Variants in PPP3CC observed in about 807,000 individuals in gnomAD.
PPP3CC encodes protein phosphatase 3 catalytic subunit gamma.
PPP3CC carries 35 observed loss-of-function variants against 60.3 expected under a neutral mutation model. The ratio of observed to expected loss-of-function variants is 0.58; its 90% confidence interval spans 0.44 to 0.77. PPP3CC has a LOEUF of 0.77. Among genes scored for constraint, PPP3CC ranks in the 30% least tolerant of loss-of-function variants. PPP3CC has a pLI of 0.00. For missense variants in PPP3CC, 570 were observed against 628.9 expected, an observed-to-expected ratio of 0.91 and a Z score of 1.00; for synonymous variants, 206 against 224.3, an observed-to-expected ratio of 0.92 and a Z score of 0.73.
intron 1 of PPP3CC, among the ~76,000 whole-genome samples, chr8:22,445,313 C>G (rs557087842): frequency 2.0e-5 from 3 of 152,128 alleles, no homozygotes; most frequent in Non-Finnish European, 4.4e-5. Flanking sequence ...TCATTTCTTT[C>G]CACAACTCTC....
chr8:22,498,201 A>G lies in PPP3CC; in HGVS notation c.484+89A>G, dbSNP rs1412792683. 44 of 725,934 alleles carry G rather than the reference A, an allele frequency of 6.1e-5. 1 individual carries two copies. The Admixed American group carries it at 1.3e-3, about 22-fold the overall frequency. 45.0% of individuals were successfully genotyped at this position (725,934 alleles called of 1,614,324 possible). A position where few individuals can be genotyped will look rare whatever the true frequency, so the allele number is the denominator to read the frequency against. On this transcript the variant is annotated intron_variant, in intron 4 of 13. Transcript: ENST00000240139. ...ACAGAAAGAAAAAAGAAACTAATAG[A>G]ATTTAAATGCTTCCTGTCCTGTTGT...
chr8:22,497,945 T>G, intron 3 of PPP3CC, 56 bp from the exon 4 acceptor site: 1 of 1,096,304 alleles, frequency 9.1e-7, no homozygotes, highest in Non-Finnish European at 1.3e-6. Flanking sequence ...ATATAAATTG[T>G]GTTTATGCAT....
chr8:22,443,279 T>C (rs1347720085), intron 1 of PPP3CC, among the ~76,000 whole-genome samples: 1 of 152,110 alleles, frequency 6.6e-6, no homozygotes, highest in Non-Finnish European at 1.5e-5. Flanking sequence ...CCCCAGCACT[T>C]TGGAAGGCCC....
At chr8:22,512,454 G>C (rs1254263760) in intron 5 of PPP3CC, among the ~76,000 whole-genome samples, 1 of 151,956 alleles carries the variant, frequency 6.6e-6, no homozygotes, top group Non-Finnish European at 1.5e-5. Flanking sequence ...GTGACTAAAG[G>C]CTTAAGTTAA....
intron 6 of PPP3CC, among the ~76,000 whole-genome samples, chr8:22,518,832 A>T (rs1389116560): frequency 6.6e-6 from 1 of 152,084 alleles, no homozygotes; most frequent in African/African-American, 2.4e-5. Flanking sequence ...GATTACAGGC[A>T]TGCACCATCA....
chr8:22,510,729 A>G (rs977147122), intron 4 of PPP3CC, among the ~76,000 whole-genome samples: 2 of 152,196 alleles, frequency 1.3e-5, no homozygotes, highest in African/African-American at 4.8e-5. Context: ...CAAAAATGTC[A>G]ATGTGTGTTG....
At chr8:22,520,421 T>G (rs1206972240) in intron 6 of PPP3CC, among the ~76,000 whole-genome samples, 1 of 152,202 alleles carries the variant, frequency 6.6e-6, no homozygotes, top group African/African-American at 2.4e-5. Flanking sequence ...CCCCTTTTTC[T>G]TCTCCTTAAC....
intron 1 of PPP3CC, among the ~76,000 whole-genome samples, chr8:22,459,717 A>AC (rs1392452615): frequency 3.9e-5 from 6 of 152,016 alleles, no homozygotes; most frequent in South Asian, 2.1e-4. Context: ...AATGTTTGTG[A>AC]CCCCCCAGAA....
intron 1 of PPP3CC, among the ~76,000 whole-genome samples, chr8:22,443,259 A>C (rs2132417898): frequency 6.6e-6 from 1 of 152,274 alleles, no homozygotes; most frequent in Non-Finnish European, 1.5e-5. Flanking sequence ...ATGGTGGCTC[A>C]CGCCTGTAAC....
At chr8:22,494,329 A>G (rs558907266) in intron 3 of PPP3CC, among the ~76,000 whole-genome samples, 1 of 152,190 alleles carries the variant, frequency 6.6e-6, no homozygotes, top group South Asian at 2.1e-4. Flanking sequence ...CCCCTGATAA[A>G]CCCATCAGAT....
intron 8 of PPP3CC, among the ~76,000 whole-genome samples, chr8:22,523,307 G>A (rs1184413153): frequency 1.3e-5 from 2 of 152,000 alleles, no homozygotes; most frequent in Non-Finnish European, 2.9e-5. Flanking sequence ...AAGAAGAATG[G>A]ATATATACAT....
At chr8:22,468,105 C>CT (rs1025497649) in intron 1 of PPP3CC, among the ~76,000 whole-genome samples, 9 of 151,860 alleles carry the variant, frequency 5.9e-5, no homozygotes, top group Non-Finnish European at 1.0e-4. Context: ...TCTAGTCATT[C>CT]TTTTTTTTGT....
At chr8:22,492,584 C>T in intron 3 of PPP3CC, 1 of 469,890 alleles carries the variant, frequency 2.1e-6, no homozygotes. Flanking sequence ...CAACCCTAGC[C>T]CCCCACGTTG....
chr8:22,441,288 C>G lies in PPP3CC; in HGVS notation c.-122C>G, dbSNP rs28513286. Reference sequence around the variant, plus strand: ...TGGTGCTCGGACACCGCTGAGGAGCCGGGGCCGGGCACGGCTGGCTGACGG... The same window carrying G: ...TGGTGCTCGGACACCGCTGAGGAGCGGGGGCCGGGCACGGCTGGCTGACGG... On this transcript the variant is annotated 5_prime_UTR_variant, in exon 1 of 14. Transcript: ENST00000240139. 50,603 of 958,392 alleles carry G rather than the reference C, an allele frequency of 0.053. 1,455 individuals are homozygous for G. The highest frequency in any genetic ancestry group is 0.098 in the South Asian group (5,124 of 52,430). The allele number at this position is 958,392 out of a possible 1,614,324, so 59.4% of individuals were successfully genotyped here.
intron 1 of PPP3CC, among the ~76,000 whole-genome samples, chr8:22,451,625 ACCCT>A (rs1837029046): frequency 6.6e-6 from 1 of 151,940 alleles, no homozygotes; most frequent in African/African-American, 2.4e-5. Context: ...AGGGAAAAAG[ACCCT>A]CCCAGCCCCC....
At chr8:22,523,852 G>A (rs1250677064) in intron 8 of PPP3CC, 9 of 190,494 alleles carry the variant, frequency 4.7e-5, no homozygotes, top group Non-Finnish European at 1.1e-5. Flanking sequence ...TGATACAGTG[G>A]CTCTGGAGGC....
At chr8:22,490,385 A>G (rs1032204065) in intron 3 of PPP3CC, among the ~76,000 whole-genome samples, 1 of 152,040 alleles carries the variant, frequency 6.6e-6, no homozygotes, top group Non-Finnish European at 1.5e-5. Context: ...ATGTGACCAT[A>G]CTTTGAGAAC....
At chr8:22,516,267 T>A (rs2117103849) in intron 6 of PPP3CC, among the ~76,000 whole-genome samples, 1 of 152,312 alleles carries the variant, frequency 6.6e-6, no homozygotes, top group South Asian at 2.1e-4. Flanking sequence ...CCATGCCAAC[T>A]TTTCCAGTGA....
At chr8:22,484,336 A>G (rs879559367) in intron 3 of PPP3CC, among the ~76,000 whole-genome samples, 12 of 151,596 alleles carry the variant, frequency 7.9e-5, no homozygotes, top group Admixed American at 1.3e-4. Flanking sequence ...AGCATACAAC[A>G]TAGTATATAT....
Sources: gnomAD v4.1 joint callset for allele counts (sites outside exome capture counted in the v4.1 genomes callset) on GRCh38, gnomAD v4.1.1 for gene constraint, MANE v1.5 for transcripts, NCBI Gene and HGNC (gene_info 2026-07-23, HGNC 2026-07-21) for gene names.